Variants in DAB1 observed in about 807,000 individuals in gnomAD.
DAB1 encodes disabled homolog 1.
DAB1 carries 15 observed loss-of-function variants against 64.6 expected under a neutral mutation model. That is an observed-to-expected ratio of 0.23 (90% CI 0.16 to 0.36). The LOEUF (loss-of-function observed/expected upper bound fraction) is 0.36. Among genes scored for constraint, DAB1 ranks in the 10% least tolerant of loss-of-function variants. DAB1 has a pLI of 1.00. For missense variants in DAB1, 596 were observed against 706.7 expected, an observed-to-expected ratio of 0.84 and a Z score of 1.78; for synonymous variants, 235 against 251.9, an observed-to-expected ratio of 0.93 and a Z score of 0.64.
intron 4 of DAB1, among the ~76,000 whole-genome samples, chr1:58,323,501 T>C (rs2100487584): frequency 6.6e-6 from 1 of 152,168 alleles, no homozygotes; most frequent in South Asian, 2.1e-4. Context: ...CGGAAAGGCC[T>C]CCTTAAGAGG....
chr1:58,243,490 G>C (rs976946604), intron 4 of DAB1, among the ~76,000 whole-genome samples: 1 of 152,026 alleles, frequency 6.6e-6, no homozygotes. Flanking sequence ...TGTTTCTCTT[G>C]TCCTCTGCAA....
At chr1:57,776,351 T>C (rs990864229) in intron 6 of DAB1, among the ~76,000 whole-genome samples, 1 of 151,854 alleles carries the variant, frequency 6.6e-6, no homozygotes. Context: ...TAAGGGATAC[T>C]TAGCCTATAG....
chr1:57,786,129 A>G (rs1306678851), intron 6 of DAB1, among the ~76,000 whole-genome samples: 1 of 152,158 alleles, frequency 6.6e-6, no homozygotes, highest in East Asian at 1.9e-4. Context: ...TTAGCAACAA[A>G]GTATTTTCTA....
intron 1 of DAB1, among the ~76,000 whole-genome samples, chr1:57,881,793 C>T (rs1452247453): frequency 6.6e-6 from 1 of 152,176 alleles, no homozygotes; most frequent in Non-Finnish European, 1.5e-5. Context: ...TGCAATATCA[C>T]ATTGGGCCCC....
At chr1:57,912,933 G>A (rs1392697113) in intron 5 of DAB1, among the ~76,000 whole-genome samples, 2 of 152,106 alleles carry the variant, frequency 1.3e-5, no homozygotes, top group African/African-American at 2.4e-5. Context: ...ACTGCTCAAC[G>A]AAATAAAAGA....
intron 7 of DAB1, among the ~76,000 whole-genome samples, chr1:57,550,270 G>C (rs1008319627): frequency 6.6e-6 from 1 of 152,170 alleles, no homozygotes. Flanking sequence ...GCCATTCACA[G>C]ATTAGTTGAC....
At chr1:57,896,681 G>A (rs983106909) in intron 5 of DAB1, among the ~76,000 whole-genome samples, 4 of 152,110 alleles carry the variant, frequency 2.6e-5, no homozygotes, top group Admixed American at 6.6e-5. Context: ...TCTTTATGAC[G>A]TGAGCATTAA....
chr1:57,743,299 A>G (rs1296557829), intron 6 of DAB1, among the ~76,000 whole-genome samples: 1 of 152,140 alleles, frequency 6.6e-6, no homozygotes, highest in Non-Finnish European at 1.5e-5. Context: ...TGATCAATGT[A>G]CTTTGTAATC....
chr1:57,278,712 G>A (rs527618339), intron 2 of DAB1, among the ~76,000 whole-genome samples: 3 of 152,274 alleles, frequency 2.0e-5, no homozygotes, highest in African/African-American at 7.2e-5. Flanking sequence ...GCAAATCCAT[G>A]CATGCTCAAA....
upstream of DAB1, among the ~76,000 whole-genome samples, chr1:57,884,501 G>T (rs1366822792): frequency 6.6e-6 from 1 of 152,158 alleles, no homozygotes; most frequent in East Asian, 1.9e-4. Context: ...GGTACAAATT[G>T]TATATTTTTC....
intron 1 of DAB1, among the ~76,000 whole-genome samples, chr1:57,385,002 A>G (rs1488226443): frequency 6.6e-6 from 1 of 152,192 alleles, no homozygotes; most frequent in Non-Finnish European, 1.5e-5. Flanking sequence ...CCATGCTATG[A>G]CATGCTCTCT....
At chr1:57,187,754 CT>C (rs1161094543) in intron 2 of DAB1, among the ~76,000 whole-genome samples, 4 of 150,780 alleles carry the variant, frequency 2.7e-5, no homozygotes, top group Non-Finnish European at 5.9e-5. Flanking sequence ...TGGGATTCTA[CT>C]CAAAGTATTT....
At chr1:57,314,262 G>C (rs74074913) in intron 1 of DAB1, among the ~76,000 whole-genome samples, 5,032 of 152,260 alleles carry the variant, frequency 0.033, 111 homozygotes, top group Middle Eastern at 0.051. Flanking sequence ...TTCCCACCAA[G>C]GGGAAACTTT....
At chr1:57,371,130 G>C (rs979006895) in intron 1 of DAB1, among the ~76,000 whole-genome samples, 4 of 152,196 alleles carry the variant, frequency 2.6e-5, no homozygotes, top group Non-Finnish European at 5.9e-5. Flanking sequence ...ATTTCCTGCT[G>C]AACCATAACA....
At chr1:57,433,325 C>G (rs74074987) in intron 7 of DAB1, among the ~76,000 whole-genome samples, 1 of 151,946 alleles carries the variant, frequency 6.6e-6, no homozygotes, top group Non-Finnish European at 1.5e-5. Context: ...CTAGAAAGCT[C>G]TAGTAATCAA....
intron 6 of DAB1, among the ~76,000 whole-genome samples, chr1:57,753,231 TG>T (rs911956710): frequency 1.8e-4 from 27 of 152,174 alleles, no homozygotes; most frequent in African/African-American, 5.8e-4. Context: ...TTTATACAAA[TG>T]TGGCTGACTG....
chr1:57,039,358 A>T (rs1245945363), intron 9 of DAB1, among the ~76,000 whole-genome samples: 1 of 152,250 alleles, frequency 6.6e-6, no homozygotes, highest in East Asian at 1.9e-4. Context: ...GGAAGGAAGG[A>T]AGGGAGGGCA....
intron 5 of DAB1, among the ~76,000 whole-genome samples, chr1:57,902,364 A>T (rs1188259326): frequency 6.6e-6 from 1 of 151,992 alleles, no homozygotes; most frequent in African/African-American, 2.4e-5. Context: ...GTTTACCCCC[A>T]AATTATTTTG....
chr1:58,444,714 G>T (rs779066476), intron 3 of DAB1, among the ~76,000 whole-genome samples: 4 of 152,178 alleles, frequency 2.6e-5, no homozygotes, highest in African/African-American at 9.7e-5. Flanking sequence ...GAGATCAAAG[G>T]TTCTGGGCAC....
Sources: gnomAD v4.1 joint callset for allele counts (sites outside exome capture counted in the v4.1 genomes callset) on GRCh38, gnomAD v4.1.1 for gene constraint, MANE v1.5 for transcripts, NCBI Gene and HGNC (gene_info 2026-07-23, HGNC 2026-07-21) for gene names.